The following MYT1L variants were observed in gnomAD, a reference collection of about 807,000 sequenced individuals.
The protein encoded by MYT1L is myelin transcription factor 1 like, also known as myelin transcription factor 1-like protein.
MYT1L carries 12 observed loss-of-function variants against 126.7 expected under a neutral mutation model. That is an observed-to-expected ratio of 0.09 (90% CI 0.06 to 0.15). MYT1L has a LOEUF of 0.15. Ranked by LOEUF, MYT1L falls within the 10% of genes least tolerant of loss-of-function variation. The pLI, the probability that MYT1L is intolerant of heterozygous loss-of-function variation, is 1.00. For missense variants in MYT1L, 979 were observed against 1,585.2 expected, an observed-to-expected ratio of 0.62 and a Z score of 6.49; for synonymous variants, 541 against 604.2, an observed-to-expected ratio of 0.90 and a Z score of 1.53.
intron 14 of MYT1L, among the ~76,000 whole-genome samples, chr2:1,896,423 C>G (rs538123471): frequency 2.0e-5 from 3 of 152,238 alleles, no homozygotes; most frequent in African/African-American, 7.2e-5. Context: ...AGCAGAGGCA[C>G]AGAATCAACC....
chr2:2,315,883 T>C (rs1327448107), intron 1 of MYT1L, among the ~76,000 whole-genome samples: 1 of 152,248 alleles, frequency 6.6e-6, no homozygotes, highest in Admixed American at 6.5e-5. Context: ...TTGTTTTCTT[T>C]CCAGCCCCAT....
intron 4 of MYT1L, among the ~76,000 whole-genome samples, chr2:2,047,330 A>G (rs909581382): frequency 6.6e-6 from 1 of 152,210 alleles, no homozygotes; most frequent in African/African-American, 2.4e-5. Flanking sequence ...TATGAAAGAT[A>G]CCTATGATAT....
At chr2:1,842,198 C>G (rs1173921365) in intron 19 of MYT1L, 1 of 152,246 alleles carries the variant, frequency 6.6e-6, no homozygotes, top group Non-Finnish European at 1.5e-5. Context: ...TTCTTGGAAA[C>G]ACGCAGATTC....
At chr2:1,840,907 T>G (rs1381129454) in intron 19 of MYT1L, 64 bp from the exon 20 acceptor site, 3 of 922,438 alleles carry the variant, frequency 3.3e-6, no homozygotes, top group Non-Finnish European at 4.6e-6. Context: ...TTTCTTTCTT[T>G]TTTTTTTTTT....
At chr2:1,864,844 G>A (rs887747518) in intron 18 of MYT1L, among the ~76,000 whole-genome samples, 3 of 152,174 alleles carry the variant, frequency 2.0e-5, no homozygotes, top group South Asian at 2.1e-4. Context: ...TGCCAGGCTC[G>A]CAGAGCTGGT....
intron 4 of MYT1L, among the ~76,000 whole-genome samples, chr2:2,006,394 A>C (rs2149721127): frequency 6.6e-6 from 1 of 152,304 alleles, no homozygotes; most frequent in Non-Finnish European, 1.5e-5. Context: ...AAATCTACTT[A>C]GTTAGCAAAG....
intron 5 of MYT1L, among the ~76,000 whole-genome samples, chr2:1,988,394 T>C (rs1370966901): frequency 6.6e-6 from 1 of 152,224 alleles, no homozygotes; most frequent in East Asian, 1.9e-4. Context: ...TCCAGGGCCC[T>C]GTAGTGGGCA....
chr2:2,055,568 A>G (rs1279779687), intron 3 of MYT1L, among the ~76,000 whole-genome samples: 1 of 152,248 alleles, frequency 6.6e-6, no homozygotes, highest in East Asian at 1.9e-4. Flanking sequence ...TTGGAATGGT[A>G]TTCGACATAG....
Position 2,155,573 on chromosome 2 carries a change from T to C in MYT1L, c.-304+17299A>G, listed in dbSNP as rs545408997. Among the ~76,000 whole-genome samples, 36 of 152,292 alleles carry C rather than the reference T, an allele frequency of 2.4e-4. No homozygotes were observed. The East Asian group carries it at 5.2e-3, about 22-fold the overall frequency. ...AACCAGTGTGTCCTGGAGTCAAGATTTGAACCCAGGTCTTGCTAAATTTAA... is the reference window on the plus strand; with the variant it reads ...AACCAGTGTGTCCTGGAGTCAAGATCTGAACCCAGGTCTTGCTAAATTTAA... On this transcript the variant is annotated intron_variant, in intron 3 of 24. Coordinates refer to ENST00000647738, the MANE Select transcript of MYT1L (RefSeq NM_001303052.2).
At chr2:1,999,640 T>A (rs1288689501) in intron 4 of MYT1L, among the ~76,000 whole-genome samples, 2 of 152,184 alleles carry the variant, frequency 1.3e-5, no homozygotes, top group Non-Finnish European at 2.9e-5. Flanking sequence ...CAACATAATC[T>A]ATTAAAATAA....
At chr2:2,044,328 TGAAGTTATCAA>T (rs1294987998) in intron 4 of MYT1L, among the ~76,000 whole-genome samples, 36 of 152,250 alleles carry the variant, frequency 2.4e-4, no homozygotes, top group Admixed American at 2.4e-3. Flanking sequence ...TAACTATATC[TGAAGTTATCAA>T]GATAAACTTT....
At chr2:1,822,710 T>C (rs4621187) in intron 21 of MYT1L, among the ~76,000 whole-genome samples, 109,692 of 151,870 alleles carry the variant, frequency 0.72, 40,990 homozygotes, top group African/African-American at 0.94. Flanking sequence ...AGGACCCGGA[T>C]ATCTGGGTCC....
chr2:2,065,081 C>T (rs1442429445), intron 3 of MYT1L, among the ~76,000 whole-genome samples: 1 of 151,996 alleles, frequency 6.6e-6, no homozygotes, highest in Non-Finnish European at 1.5e-5. Context: ...GCCTGTGGTC[C>T]CAGCTACTTA....
chr2:2,223,544 T>A (rs1265003153), intron 2 of MYT1L, among the ~76,000 whole-genome samples: 2 of 152,244 alleles, frequency 1.3e-5, no homozygotes, highest in African/African-American at 4.8e-5. Context: ...TGACGTGGTA[T>A]TAGGCACTTC....
intron 4 of MYT1L, among the ~76,000 whole-genome samples, chr2:2,048,715 G>T (rs532928234): frequency 2.0e-5 from 3 of 152,236 alleles, no homozygotes; most frequent in African/African-American, 7.2e-5. Context: ...CCCCCTAAGC[G>T]GTCCATGGTC....
Position 1,811,429 on chromosome 2 carries a change from C to T in MYT1L, c.3081-2262G>A, listed in dbSNP as rs796618495. On this transcript the variant is annotated intron_variant, in intron 21 of 24. Coordinates refer to ENST00000647738, the MANE Select transcript of MYT1L (RefSeq NM_001303052.2). The surrounding 1 kb of genome is among the most constrained non-coding windows in gnomAD (Gnocchi z 4.4). ...TCAGCTCCAGCATCATCAGCTCCCG[C>T]GTCCTATCCCATCCCAGGGCAAGCC... 2.8e-4 allele frequency: 42 copies of T among 152,478 alleles called. No individual in the cohort carries two copies. Among genetic ancestry groups the T allele is most frequent in the African/African-American group, 7.2e-4 (30 of 41,554 alleles). The allele number at this position is 152,478 out of a possible 1,614,324, so 9.4% of individuals were successfully genotyped here. A position where few individuals can be genotyped will look rare whatever the true frequency, so the allele number is the denominator to read the frequency against.
At chr2:2,263,109 T>A (rs1174600606) in intron 2 of MYT1L, among the ~76,000 whole-genome samples, 1 of 151,306 alleles carries the variant, frequency 6.6e-6, no homozygotes, top group African/African-American at 2.4e-5. Context: ...AAGAGAACTA[T>A]CATTGCCCTT....
At chr2:2,086,108 A>G (rs2076327265) in intron 3 of MYT1L, among the ~76,000 whole-genome samples, 1 of 152,216 alleles carries the variant, frequency 6.6e-6, no homozygotes, top group African/African-American at 2.4e-5. Flanking sequence ...TCCTGCTTAT[A>G]ACATGCCTCT....
At chr2:1,845,642 C>T (rs932593601) in intron 19 of MYT1L, among the ~76,000 whole-genome samples, 6 of 152,288 alleles carry the variant, frequency 3.9e-5, no homozygotes, top group African/African-American at 1.2e-4. Flanking sequence ...CATCCAAGTG[C>T]GCTTTTGACA....
Sources: gnomAD v4.1 joint callset for allele counts (sites outside exome capture counted in the v4.1 genomes callset) on GRCh38, gnomAD v4.1.1 for gene constraint, Gnocchi (gnomAD v3.1) non-coding constraint, MANE v1.5 for transcripts, NCBI Gene and HGNC (gene_info 2026-07-23, HGNC 2026-07-21) for gene names.